AGBL1: variants seen among roughly 807,000 people sequenced by gnomAD.
AGBL1 encodes the protein cytosolic carboxypeptidase 4.
In AGBL1, 130 loss-of-function variants were observed where a neutral mutation model predicts 118.9. The ratio of observed to expected loss-of-function variants is 1.09; its 90% CI spans 0.95 to 1.26. The LOEUF is 1.26. AGBL1 is among the 50% of genes most tolerant of loss of function. The pLI is 0.00. For missense variants in AGBL1, 1,584 were observed against 1,298.1 expected (o/e 1.22, Z -3.38); for synonymous variants, 555 against 478.9 (o/e 1.16, Z -2.08).
intron 1 of AGBL1, chr15:86,088,296 G>A (rs1348104245): frequency 2.0e-5 from 3 of 152,292 alleles, no homozygotes; most frequent in Non-Finnish European, 4.4e-5. Context: ...TGCCAAGTAG[G>A]AACTTACCTC....
chr15:86,747,826 G>A (rs975054579), intron 22 of AGBL1, among the ~76,000 whole-genome samples: 2 of 152,148 alleles, frequency 1.3e-5, no homozygotes, highest in Non-Finnish European at 2.9e-5. Flanking sequence ...TTTTATGGCT[G>A]CATACTATTC....
intron 13 of AGBL1, 141 bp downstream of exon 13, chr15:86,267,217 T>C: frequency 1.4e-6 from 1 of 693,038 alleles, no homozygotes; most frequent in South Asian, 1.8e-5. Flanking sequence ...ATCATAAAAA[T>C]TGGCAAACAG....
intron 21 of AGBL1, among the ~76,000 whole-genome samples, chr15:86,558,960 C>G (rs932405640): frequency 2.0e-5 from 3 of 152,186 alleles, no homozygotes; most frequent in African/African-American, 7.2e-5. Flanking sequence ...AGCCTGAAAT[C>G]AAGGTGTTGG....
chr15:86,143,797 G>A lies in AGBL1; in HGVS notation c.214G>A (p.Asp72Asn). The part of the protein sequence containing the change: ...DTARTAPPDY[D>N]ILLPLFRLLA... The stretch of plus-strand genomic sequence containing the variant: ...AGCGAGGACAGCTCCTCCAGACTAT[G>A]ACATCCTCCTGCCTCTCTTCCGGCT... Residue 72 changes from aspartate to asparagine, a missense_variant, in exon 3 of 23, where the codon GAC (aspartate) becomes AAC (asparagine). Physicochemically the swap from Asp to Asn is conservative, Grantham distance 23. Transcript: ENST00000614907. The A allele has an allele frequency of 6.2e-7, 1 of 1,613,876 alleles. No individual in the cohort carries two copies. The highest frequency in any genetic ancestry group is 8.5e-7 in the Non-Finnish European group (1 of 1,179,804).
chr15:86,855,720 A>G (rs876469), intron 22 of AGBL1, among the ~76,000 whole-genome samples: 17,461 of 152,258 alleles, frequency 0.11, 1,575 homozygotes, highest in East Asian at 0.32. Context: ...TAACCTTATC[A>G]AACACAGATC....
At chr15:86,429,312 T>C (rs2142036066) in intron 18 of AGBL1, among the ~76,000 whole-genome samples, 1 of 152,290 alleles carries the variant, frequency 6.6e-6, no homozygotes, top group Non-Finnish European at 1.5e-5. Context: ...ATGGCAAAAC[T>C]CCATGGGATG....
At chr15:86,873,588 C>T (rs972329699) in intron 22 of AGBL1, among the ~76,000 whole-genome samples, 10 of 152,102 alleles carry the variant, frequency 6.6e-5, no homozygotes, top group Non-Finnish European at 1.3e-4. Flanking sequence ...GATTAGTGCC[C>T]GTATAACAGA....
At chr15:86,738,478 A>G (rs186789836) in intron 22 of AGBL1, among the ~76,000 whole-genome samples, 54 of 152,302 alleles carry the variant, frequency 3.5e-4, no homozygotes, top group African/African-American at 1.3e-3. Flanking sequence ...ATATAGAAAA[A>G]CTTAAAGATG....
chr15:86,896,945 ACTACATGCACATTC>A (rs1435478113), intron 22 of AGBL1, among the ~76,000 whole-genome samples: 4 of 152,146 alleles, frequency 2.6e-5, no homozygotes, highest in African/African-American at 7.2e-5. Context: ...CCCTCTACCC[ACTACATGCACATTC>A]CTAAGGAAAG....
intron 7 of AGBL1, among the ~76,000 whole-genome samples, chr15:86,251,865 G>A (rs1427471596): frequency 6.6e-6 from 1 of 151,972 alleles, no homozygotes; most frequent in African/African-American, 2.4e-5. Flanking sequence ...AACATTTGGG[G>A]ATAATTATCA....
intron 5 of AGBL1, among the ~76,000 whole-genome samples, chr15:86,196,488 T>C (rs2077804555): frequency 6.6e-6 from 1 of 152,164 alleles, no homozygotes; most frequent in African/African-American, 2.4e-5. Context: ...TGGACAGAAT[T>C]GGGTATTAGC....
chr15:86,742,613 C>T (rs1464385657), intron 22 of AGBL1, among the ~76,000 whole-genome samples: 3 of 152,096 alleles, frequency 2.0e-5, no homozygotes, highest in Non-Finnish European at 4.4e-5. Flanking sequence ...GTTACCTCCC[C>T]GTAGGCCAGT....
At chr15:86,781,329 G>A (rs192203218) in intron 22 of AGBL1, among the ~76,000 whole-genome samples, 162 of 151,970 alleles carry the variant, frequency 1.1e-3, no homozygotes, top group Non-Finnish European at 1.5e-3. Context: ...TTATTCTCAC[G>A]TTCCTCTTTA....
intron 23 of AGBL1, among the ~76,000 whole-genome samples, chr15:86,937,301 C>T (rs144280500): frequency 0.011 from 1,618 of 152,220 alleles, 14 homozygotes; most frequent in East Asian, 0.033. Flanking sequence ...CTCATTACTG[C>T]GCATATATCC....
intron 19 of AGBL1, among the ~76,000 whole-genome samples, chr15:86,529,982 C>T (rs1372027410): frequency 8.9e-4 from 121 of 136,360 alleles, no homozygotes; most frequent in South Asian, 6.9e-3. Context: ...AAGGAACAAC[C>T]GGTACCAGCC....
At chr15:86,681,412 C>G (rs748739633) in intron 22 of AGBL1, among the ~76,000 whole-genome samples, 3 of 152,120 alleles carry the variant, frequency 2.0e-5, no homozygotes, top group Admixed American at 6.6e-5. Flanking sequence ...CCCATAGATT[C>G]CTTTTTGAAA....
intron 22 of AGBL1, among the ~76,000 whole-genome samples, chr15:86,817,463 T>TACACACACACACACAC (rs143498374): frequency 8.2e-5 from 11 of 133,410 alleles, no homozygotes; most frequent in African/African-American, 3.2e-4. Context: ...CTCTGAGAGA[T>TACACACACACACACAC]ACACACACAC....
chr15:86,093,893 C>T (rs1310252657), intron 1 of AGBL1, among the ~76,000 whole-genome samples: 3 of 152,062 alleles, frequency 2.0e-5, no homozygotes, highest in African/African-American at 7.2e-5. Context: ...TGATAATATT[C>T]TATGACAATA....
intron 5 of AGBL1, among the ~76,000 whole-genome samples, chr15:86,215,979 A>G (rs1229392799): frequency 1.3e-5 from 2 of 152,184 alleles, no homozygotes; most frequent in African/African-American, 4.8e-5. Context: ...CCTTTTGTTA[A>G]ATTGATTACC....
Sources: gnomAD v4.1 joint callset for allele counts (sites outside exome capture counted in the v4.1 genomes callset) on GRCh38, gnomAD v4.1.1 for gene constraint, MANE v1.5 for transcripts, NCBI Gene and HGNC (gene_info 2026-07-23, HGNC 2026-07-21) for gene names.